The following ECE2 variants were observed in gnomAD, a reference collection of about 807,000 sequenced individuals.
The protein encoded by ECE2 is endothelin converting enzyme 2, also known as endothelin-converting enzyme 2.
ECE2 carries 81 observed loss-of-function variants against 100.6 expected under a neutral mutation model. The ratio of observed to expected loss-of-function variants is 0.81; its 90% CI spans 0.67 to 0.97. The LOEUF (loss-of-function observed/expected upper bound fraction) is 0.97, where lower values mean the gene tolerates loss of function less well. Ranked by LOEUF, ECE2 falls within the 50% of genes least tolerant of loss-of-function variation. The probability of loss-of-function intolerance (pLI) is 0.00; values close to 1 mark genes in which losing one functional copy is unlikely to be tolerated. For missense variants in ECE2, 911 were observed against 988.1 expected, an observed-to-expected ratio of 0.92 and a Z score of 1.05; for synonymous variants, 391 against 391.5, an observed-to-expected ratio of 1.00 and a Z score of 0.02.
intron 7 of ECE2, among the ~76,000 whole-genome samples, chr3:184,281,363 C>A (rs555372314): frequency 6.6e-6 from 1 of 152,232 alleles, no homozygotes; most frequent in South Asian, 2.1e-4. Flanking sequence ...TTCCAGGGTG[C>A]GGATAGGCTG....
rs1721392726 is a variant in ECE2, at chr3:184,292,917, G to A, written c.*679G>A. On this transcript the variant is annotated 3_prime_UTR_variant, in exon 19 of 19. Coordinates refer to ENST00000404464, the MANE Select transcript of ECE2 (RefSeq NM_001100121.2). Reference sequence around the variant, plus strand: ...GATTCTCCCTGGACAAAGCAGGAAAGCAGATAGAGCAGGGAAAAGGAAGAA... The same window carrying A: ...GATTCTCCCTGGACAAAGCAGGAAAACAGATAGAGCAGGGAAAAGGAAGAA... 1 of 152,460 alleles carries A rather than the reference G, an allele frequency of 6.6e-6. No homozygotes were observed. Among genetic ancestry groups the A allele is most frequent in the South Asian group, 2.1e-4 (1 of 4,838 alleles). 9.4% of individuals were successfully genotyped at this position (152,460 alleles called of 1,614,324 possible). A position where few individuals can be genotyped will look rare whatever the true frequency, so the allele number is the denominator to read the frequency against.
chr3:184,292,441 C>G lies in ECE2; in HGVS notation c.*203C>G. ...GGGGGTGCCCCTGCCTCCAGCAGAGCCCCCACCATTCACTGTGACATCTTT... is the reference window on the plus strand; with the variant it reads ...GGGGGTGCCCCTGCCTCCAGCAGAGGCCCCACCATTCACTGTGACATCTTT... On this transcript the variant is annotated 3_prime_UTR_variant, in exon 19 of 19. Transcript: ENST00000404464. 1 of 609,046 alleles carries G rather than the reference C, an allele frequency of 1.6e-6. No homozygotes were observed. The highest frequency in any genetic ancestry group is 3.0e-5 in the Admixed American group (1 of 33,472). The allele number at this position is 609,046 out of a possible 1,614,324, so 37.7% of individuals were successfully genotyped here.
intron 8 of ECE2, among the ~76,000 whole-genome samples, chr3:184,284,497 G>A (rs1720946761): frequency 6.7e-6 from 1 of 149,108 alleles, no homozygotes. Context: ...AGCTGAGATT[G>A]CGCCATTGCA....
In ECE2 at chr3:184,283,201, C is replaced by T. The variant is rs1720877429; in HGVS notation, c.817-584C>T. 2.0e-5 allele frequency among the ~76,000 whole-genome samples: 3 copies of T among 152,146 alleles called. No individual in the cohort carries two copies. The South Asian group carries it at 6.2e-4, about 32-fold the overall frequency. ...GACAGCAGTGAGTAAGCTGCTGTAA[C>T]TTGGAACAATGCTCTGCTGGAACTC... On this transcript the variant is annotated intron_variant, in intron 7 of 18. Coordinates refer to ENST00000404464, the MANE Select transcript of ECE2 (RefSeq NM_001100121.2).
intron 7 of ECE2, among the ~76,000 whole-genome samples, chr3:184,281,964 T>C (rs1720829973): frequency 6.6e-6 from 1 of 152,148 alleles, no homozygotes. Context: ...CCATGCGTGG[T>C]GGCCCGCGCC....
intron 10 of ECE2, among the ~76,000 whole-genome samples, chr3:184,286,937 A>C (rs2108429057): frequency 6.6e-6 from 1 of 151,662 alleles, no homozygotes; most frequent in South Asian, 2.1e-4. Flanking sequence ...GGAAGTGGTA[A>C]TCATTTTCCC....
intron 2 of ECE2, 35 bp from the exon 3 acceptor site, chr3:184,276,857 A>G (rs1434853378): frequency 1.2e-6 from 2 of 1,610,156 alleles, no homozygotes; most frequent in African/African-American, 2.7e-5. Flanking sequence ...CCTGCCCTGC[A>G]TCTCAGTCAC....
In ECE2 at chr3:184,290,068, T is replaced by C. The variant is rs571399526; in HGVS notation, c.1552-187T>C. 5.3e-5 allele frequency among the ~76,000 whole-genome samples: 8 copies of C among 152,258 alleles called. No homozygotes were observed. The South Asian group carries it at 1.7e-3, about 32-fold the overall frequency. On this transcript the variant is annotated intron_variant, in intron 13 of 18. Transcript: ENST00000404464. ...ATAGGGTTGTTGTGAGATAAATGAA[T>C]ACAGTATGTAAAAAAACAGCACCCA...
At chr3:184,284,887 G>C in intron 8 of ECE2, 76 bp from the exon 9 acceptor site, 2 of 1,550,696 alleles carry the variant, frequency 1.3e-6, no homozygotes, top group South Asian at 2.5e-5. Context: ...AGGGCTCCCA[G>C]GCTACAGCAT....
In ECE2 at chr3:184,285,597, G is replaced by C. The variant is rs1288203387; in HGVS notation, c.1263+5G>C. 1.9e-6 allele frequency: 3 copies of C among 1,608,096 alleles called. No individual in the cohort carries two copies. Among genetic ancestry groups the C allele is most frequent in the Admixed American group, 1.7e-5 (1 of 59,974 alleles). ...ACCCTCTATGGCACTAAGAAGGTGG[G>C]CTTTCTGATTTTGCCTCCACGTTCT... On this transcript the variant is annotated splice_donor_5th_base_variant and intron_variant, in intron 10 of 18. Transcript: ENST00000404464.
Position 184,290,593 on chromosome 3 carries a change from C to T in ECE2, c.1692C>T (p.Tyr564=). 1.2e-6 allele frequency: 2 copies of T among 1,614,204 alleles called. No individual in the cohort carries two copies. The highest frequency in any genetic ancestry group is 1.7e-6 in the Non-Finnish European group (2 of 1,180,032). ...SMTPQTVNAY[Y]LPTKNEIVFP... ...CCCCCCAGACAGTGAATGCCTACTA[C>T]CTTCCAACTAAGAATGAGATCGTCT... Residue 564 remains tyrosine (Y), a synonymous_variant, in exon 15 of 19, where the codon TAC becomes TAT. Transcript: ENST00000404464.
chr3:184,278,723 C>T (rs1387976), intron 7 of ECE2, 166 bp downstream of exon 7: 335,977 of 658,978 alleles, frequency 0.51, 86,862 homozygotes, highest in Middle Eastern at 0.62. Context: ...TCCCTCCCTC[C>T]CTTTCTTCCC....
chr3:184,282,771 C>T (rs1720862240), intron 7 of ECE2, among the ~76,000 whole-genome samples: 1 of 152,184 alleles, frequency 6.6e-6, no homozygotes, highest in Admixed American at 6.5e-5. Context: ...CAAGCTTCTG[C>T]CCTGGGGTGT....
intron 8 of ECE2, among the ~76,000 whole-genome samples, chr3:184,284,230 T>C (rs1012658293): frequency 2.6e-5 from 4 of 152,052 alleles, no homozygotes; most frequent in Non-Finnish European, 5.9e-5. Context: ...TGTAACAGTT[T>C]GTATGAGATG....
Position 184,284,879 on chromosome 3 carries a change from G to A in ECE2, c.1006-84G>A, listed in dbSNP as rs1428520087. On this transcript the variant is annotated intron_variant, in intron 8 of 18. Transcript: ENST00000404464. ...TAGTTGTTGCTATGGCAATGGGAAG[G>A]GCTCCCAGGCTACAGCATACAGTGG... 11 of 1,523,446 alleles carry A rather than the reference G, an allele frequency of 7.2e-6. No homozygotes were observed. In the East Asian group the frequency reaches 1.4e-4, roughly 19 times the overall value. 94.4% of individuals were successfully genotyped at this position (1,523,446 alleles called of 1,614,324 possible). A position where few individuals can be genotyped will look rare whatever the true frequency, so the allele number is the denominator to read the frequency against.
intron 7 of ECE2, among the ~76,000 whole-genome samples, chr3:184,280,956 G>A (rs1031809899): frequency 6.6e-5 from 10 of 150,952 alleles, no homozygotes; most frequent in Admixed American, 3.3e-4. Context: ...TCCAGCCTGG[G>A]CAACAGAGCA....
intron 7 of ECE2, among the ~76,000 whole-genome samples, chr3:184,281,152 T>G (rs1720801768): frequency 6.6e-6 from 1 of 152,124 alleles, no homozygotes; most frequent in South Asian, 2.1e-4. Context: ...CTTCTGTCAT[T>G]CATTCAGAAA....
chr3:184,291,712 C>CAAAGGGTGGT lies in ECE2; in HGVS notation c.2121+273_2121+274insAAAGGGTGGT. ...GTCGTGCTTGCGGGGCACAGGGTGG[C>CAAAGGGTGGT]GAAGGGGGCAAACGTTCATCCTCAC... is the stretch of plus-strand genomic sequence containing the variant. On this transcript the variant is annotated intron_variant, in intron 18 of 18. Transcript: ENST00000404464. The surrounding 1 kb of genome is among the most constrained non-coding windows in gnomAD (Gnocchi z 4.1). The CAAAGGGTGGT allele has an allele frequency of 1.1e-5, 3 of 261,890 alleles. No homozygotes were observed. Among genetic ancestry groups the CAAAGGGTGGT allele is most frequent in the Non-Finnish European group, 1.9e-5 (3 of 158,560 alleles). 16.2% of individuals were successfully genotyped at this position (261,890 alleles called of 1,614,324 possible). A position where few individuals can be genotyped will look rare whatever the true frequency, so the allele number is the denominator to read the frequency against.
At chr3:184,277,048 C>G (rs376005735) in intron 3 of ECE2, 21 bp downstream of exon 3, 5 of 1,613,440 alleles carry the variant, frequency 3.1e-6, no homozygotes, top group Non-Finnish European at 4.2e-6. Flanking sequence ...CCACACTCTT[C>G]GTCAGTATTC....
Sources: gnomAD v4.1 joint callset for allele counts (sites outside exome capture counted in the v4.1 genomes callset) on GRCh38, gnomAD v4.1.1 for gene constraint, Gnocchi (gnomAD v3.1) non-coding constraint, MANE v1.5 for transcripts, NCBI Gene and HGNC (gene_info 2026-07-23, HGNC 2026-07-21) for gene names.